Variants in PAK5 observed in about 807,000 individuals in gnomAD.
PAK5 encodes the protein serine/threonine-protein kinase PAK 5.
In PAK5, 16 loss-of-function variants were observed where a neutral mutation model predicts 65.9. That is an observed-to-expected ratio of 0.24 (90% CI 0.16 to 0.37). The LOEUF (loss-of-function observed/expected upper bound fraction) is 0.37, where lower values mean the gene tolerates loss of function less well. PAK5 is among the 10% of genes least tolerant of loss of function. PAK5 has a pLI of 1.00. For synonymous variants in PAK5, 371 were observed against 354.9 expected (o/e 1.05, Z -0.51); for missense variants, 785 against 903.9 (o/e 0.87, Z 1.69).
chr20:9,571,741 T>G (rs2090069857), intron 4 of PAK5, among the ~76,000 whole-genome samples: 1 of 152,106 alleles, frequency 6.6e-6, no homozygotes, highest in South Asian at 2.1e-4. Context: ...ATAAGAAGAC[T>G]GAGGCACAGT....
intron 1 of PAK5, among the ~76,000 whole-genome samples, chr20:9,765,008 T>C (rs900214738): frequency 6.6e-6 from 1 of 152,152 alleles, no homozygotes; most frequent in African/African-American, 2.4e-5. Flanking sequence ...AATTGATAAA[T>C]CACTTTTGCA....
intron 1 of PAK5, among the ~76,000 whole-genome samples, chr20:9,787,157 G>A (rs150150112): frequency 3.3e-4 from 51 of 152,268 alleles, no homozygotes; most frequent in Admixed American, 2.0e-3. Context: ...TGAGCATGAA[G>A]TGAAACATTC....
chr20:9,735,142 G>C (rs1036617027), intron 1 of PAK5, among the ~76,000 whole-genome samples: 1 of 152,082 alleles, frequency 6.6e-6, no homozygotes, highest in African/African-American at 2.4e-5. Flanking sequence ...AGAATTTCCA[G>C]GATGTGGTGC....
intron 7 of PAK5, among the ~76,000 whole-genome samples, chr20:9,548,393 T>C (rs1285892410): frequency 6.6e-6 from 1 of 152,062 alleles, no homozygotes. Context: ...TTATTATTAT[T>C]ATACTTTAAG....
At chr20:9,803,790 G>T (rs1410785907) in intron 1 of PAK5, among the ~76,000 whole-genome samples, 1 of 152,070 alleles carries the variant, frequency 6.6e-6, no homozygotes, top group African/African-American at 2.4e-5. Context: ...TTTCCATCAA[G>T]CACTCCTAAC....
chr20:9,823,818 G>GC (rs1323671061), intron 1 of PAK5, among the ~76,000 whole-genome samples: 2 of 151,996 alleles, frequency 1.3e-5, no homozygotes, highest in Admixed American at 6.6e-5. Flanking sequence ...TCTGTTTCTG[G>GC]GGGGGAAATC....
At chr20:9,563,050 G>C in intron 5 of PAK5, 26 bp from the exon 6 acceptor site, 3 of 1,608,734 alleles carry the variant, frequency 1.9e-6, no homozygotes, top group Non-Finnish European at 2.6e-6. Flanking sequence ...ATATACTTTT[G>C]ACTTGTGAAG....
intron 3 of PAK5, among the ~76,000 whole-genome samples, chr20:9,620,956 AGAAAG>A (rs1362483567): frequency 3.5e-5 from 1 of 28,860 alleles, no homozygotes; most frequent in Non-Finnish European, 6.3e-5. Flanking sequence ...AAAGAGAGAG[AGAAAG>A]AGAGAGAGAG....
chr20:9,677,073 GTGTGTGTGTGTGTGT>G (rs758322871), intron 2 of PAK5, among the ~76,000 whole-genome samples: 28,215 of 151,644 alleles, frequency 0.19, 2,838 homozygotes, highest in East Asian at 0.36. Context: ...GTGTGTGTGT[GTGTGTGTGTGTGTGT>G]TTGTTGTTAT....
At chr20:9,622,601 G>A (rs1350686948) in intron 3 of PAK5, among the ~76,000 whole-genome samples, 1 of 152,220 alleles carries the variant, frequency 6.6e-6, no homozygotes, top group East Asian at 1.9e-4. Flanking sequence ...ACAGCAGGAG[G>A]TGAGTGGTGG....
rs149953987 is a variant in PAK5 at position 9,769,395 on chromosome 20, A to T, written c.-161-57960T>A. 2.7e-3 allele frequency among the ~76,000 whole-genome samples: 404 copies of T among 152,356 alleles called. 1 individual carries two copies. The highest frequency in any genetic ancestry group is 6.8e-3 in the Middle Eastern group (2 of 294). ...TTCCTCTACATCCCTGCCAGTCTGC[A>T]TAACTACACAGGTGTCTCTGTGACA... On this transcript the variant is annotated intron_variant, in intron 1 of 9. Transcript: ENST00000353224.
chr20:9,553,261 C>A (rs2045457580), intron 7 of PAK5, among the ~76,000 whole-genome samples: 1 of 152,014 alleles, frequency 6.6e-6, no homozygotes, highest in Non-Finnish European at 1.5e-5. Flanking sequence ...GTCAGCTAAC[C>A]AAGGGAAGGC....
Position 9,542,648 on chromosome 20 carries a change from G to A in PAK5, c.1942C>T (p.Pro648Ser). 2 of 1,613,864 alleles carry A rather than the reference G, an allele frequency of 1.2e-6. No homozygotes were observed. The highest frequency in any genetic ancestry group is 1.7e-6 in the Non-Finnish European group (2 of 1,179,734). ...CGGATCCTCCGCATCGCCTGGAGGG[G>A]AGGCTCATTGAAGTAGGGGGGCTCG... is the stretch of plus-strand genomic sequence containing the variant. ...DGEPPYFNEPPLQAMRRIRDS... is the reference protein window; with the variant it reads ...DGEPPYFNEPSLQAMRRIRDS... Residue 648 changes from proline to serine, a missense_variant, in exon 9 of 10, where the codon CCC becomes TCC. Physicochemically the swap from Pro to Ser is moderately conservative, Grantham distance 74. This residue lies in a region of PAK5 where 110 missense variants were observed against 107.4 expected (regional missense o/e 1.02). Transcript: ENST00000353224.
At chr20:9,674,007 G>C (rs1367240059) in intron 2 of PAK5, among the ~76,000 whole-genome samples, 1 of 152,182 alleles carries the variant, frequency 6.6e-6, no homozygotes, top group East Asian at 1.9e-4. Context: ...CTGCTAGTTA[G>C]CATGCAAATG....
At position 9,537,477 on chromosome 20, in the gene PAK5, G is replaced by A. The variant is rs1215589162; in HGVS notation, c.*1985C>T. 2 of 210,936 alleles carry A rather than the reference G, an allele frequency of 9.5e-6. No homozygotes were observed. Among genetic ancestry groups the A allele is most frequent in the Non-Finnish European group, 9.6e-6 (1 of 103,716 alleles). The allele number at this position is 210,936 out of a possible 1,614,324, so 13.1% of individuals were successfully genotyped here. On this transcript the variant is annotated 3_prime_UTR_variant, in exon 10 of 10. Coordinates refer to ENST00000353224, the MANE Select transcript of PAK5 (RefSeq NM_177990.4). Reference sequence around the variant, plus strand: ...ACCTTTTAAGCTACAGTAACTTTTGGTAAACTCAATGAATACTTTAAAAAA... The same window carrying A: ...ACCTTTTAAGCTACAGTAACTTTTGATAAACTCAATGAATACTTTAAAAAA...
chr20:9,742,532 T>C (rs2048461491), intron 1 of PAK5, among the ~76,000 whole-genome samples: 1 of 152,192 alleles, frequency 6.6e-6, no homozygotes, highest in Non-Finnish European at 1.5e-5. Context: ...ATCTTCAGTA[T>C]AAGCAAATAT....
intron 1 of PAK5, among the ~76,000 whole-genome samples, chr20:9,783,573 G>T (rs562722001): frequency 6.6e-6 from 1 of 152,184 alleles, no homozygotes; most frequent in South Asian, 2.1e-4. Context: ...ATCTCAAGAA[G>T]GTTACCTTCA....
intron 1 of PAK5, among the ~76,000 whole-genome samples, chr20:9,835,324 G>T (rs1011656687): frequency 6.6e-6 from 1 of 152,198 alleles, no homozygotes; most frequent in African/African-American, 2.4e-5. Flanking sequence ...AGAGAGTTGG[G>T]TCGGTGGGGA....
At chr20:9,599,473 G>T (rs1410158463) in intron 3 of PAK5, among the ~76,000 whole-genome samples, 7 of 152,318 alleles carry the variant, frequency 4.6e-5, no homozygotes, top group Non-Finnish European at 7.4e-5. Flanking sequence ...CATCAGCACT[G>T]CATGAGGATG....
Sources: gnomAD v4.1 joint callset for allele counts (sites outside exome capture counted in the v4.1 genomes callset) on GRCh38, gnomAD v4.1.1 for gene constraint, gnomAD v4.1.1 regional missense constraint, MANE v1.5 for transcripts, NCBI Gene and HGNC (gene_info 2026-07-23, HGNC 2026-07-21) for gene names.